The following LSM4 variants were observed in gnomAD, a reference collection of about 807,000 sequenced individuals.
LSM4 encodes U6 snRNA-associated Sm-like protein LSm4.
Under a neutral mutation model 22.3 loss-of-function variants are expected in LSM4, and 15 were observed. The observed-to-expected ratio is 0.67, with a 90% confidence interval of 0.45 to 1.03. The LOEUF (loss-of-function observed/expected upper bound fraction) is 1.03. LSM4 is among the 50% of genes least tolerant of loss of function. LSM4 has a pLI of 0.00. For missense variants in LSM4, 127 were observed against 198.0 expected (o/e 0.64, Z 2.15); for synonymous variants, 90 against 79.8 (o/e 1.13, Z -0.68).
At chr19:18,316,277 A>C in intron 1 of LSM4, 3 of 451,708 alleles carry the variant, frequency 6.6e-6, no homozygotes, top group Non-Finnish European at 1.2e-5. Flanking sequence ...AAAGCCTCAC[A>C]CACCCTCCCT....
chr19:18,320,149 A>G (rs1970409952), intron 1 of LSM4, among the ~76,000 whole-genome samples: 2 of 152,202 alleles, frequency 1.3e-5, no homozygotes. Flanking sequence ...CTCATCTCCA[A>G]ACTCTGTTGG....
At position 18,315,076 on chromosome 19, in the gene LSM4, G is replaced by A. The variant is rs529789329; in HGVS notation, c.45+948C>T. Among the ~76,000 whole-genome samples, 33 of 152,030 alleles carry A rather than the reference G, an allele frequency of 2.2e-4. No individual in the cohort carries two copies. In the South Asian group the frequency reaches 3.7e-3, roughly 17 times the overall value. On this transcript the variant is annotated intron_variant, in intron 2 of 4. Coordinates refer to ENST00000593829, the MANE Select transcript of LSM4 (RefSeq NM_012321.5). ...ATTTTTTTGTATTTTTAGTAGAGAC[G>A]GGGTTTCACCGTGTTAGCCAGGATG... is the stretch of plus-strand genomic sequence containing the variant.
Position 18,313,112 on chromosome 19 carries a change from G to A in LSM4, c.46-410C>T, listed in dbSNP as rs146580535. 8.7e-3 allele frequency among the ~76,000 whole-genome samples: 1,331 copies of A among 152,176 alleles called. 22 individuals carry two copies. The highest frequency in any genetic ancestry group is 0.029 in the African/African-American group (1,197 of 41,512). ...TGCATGCCTGTAGTCCCAGCTACTC[G>A]GGAGCCTGAGGCAGGAGAACTGTTT... is the stretch of plus-strand genomic sequence containing the variant. On this transcript the variant is annotated intron_variant, in intron 2 of 4. Transcript: ENST00000593829.
At position 18,323,064 on chromosome 19, in the gene LSM4, C is replaced by T; in HGVS notation, c.-44G>A. The T allele has an allele frequency of 4.7e-6, 7 of 1,490,718 alleles. No individual in the cohort carries two copies. Among genetic ancestry groups the T allele is most frequent in the Admixed American group, 2.4e-5 (1 of 42,164 alleles). The allele number at this position is 1,490,718 out of a possible 1,614,324, so 92.3% of individuals were successfully genotyped here. A position where few individuals can be genotyped will look rare whatever the true frequency, so the allele number is the denominator to read the frequency against. ...GCTCGCCGGCCACTTCCGCCGCCGCCGCTGCACACGCTCCCGGCGGTCGTC... is the reference window on the plus strand; with the variant it reads ...GCTCGCCGGCCACTTCCGCCGCCGCTGCTGCACACGCTCCCGGCGGTCGTC... On this transcript the variant is annotated 5_prime_UTR_variant, in exon 1 of 5. Transcript: ENST00000593829.
chr19:18,320,603 A>G (rs1052970765), intron 1 of LSM4, among the ~76,000 whole-genome samples: 4 of 152,094 alleles, frequency 2.6e-5, no homozygotes, highest in African/African-American at 9.7e-5. Flanking sequence ...GTTCAAGACT[A>G]GCCTGGCCAA....
At chr19:18,312,569 T>C in intron 3 of LSM4, 35 bp downstream of exon 3, 1 of 1,568,896 alleles carries the variant, frequency 6.4e-7, no homozygotes, top group South Asian at 1.1e-5. Context: ...GTGCACCCCC[T>C]GCATCCCACC....
At chr19:18,320,706 G>T (rs180874455) in intron 1 of LSM4, among the ~76,000 whole-genome samples, 2 of 152,234 alleles carry the variant, frequency 1.3e-5, no homozygotes, top group Non-Finnish European at 2.9e-5. Flanking sequence ...GGCTGAGGTA[G>T]GAGAATCACT....
rs573196453 is a variant in LSM4, at chr19:18,307,958, C to G, written c.329-403G>C. 2.2e-3 allele frequency among the ~76,000 whole-genome samples: 336 copies of G among 151,222 alleles called. 1 individual carries two copies. Among genetic ancestry groups the G allele is most frequent in the African/African-American group, 7.9e-3 (325 of 41,000 alleles). On this transcript the variant is annotated intron_variant, in intron 4 of 4. Coordinates refer to ENST00000593829, the MANE Select transcript of LSM4 (RefSeq NM_012321.5). ...TGGGGGCTCCCTGGCGGGGGGGGGG[C>G]CTCCTATGCGCCACAACCACCCACA...
rs1970223324 is a variant in LSM4, at chr19:18,306,462, G to T, written c.*1002C>A. The T allele has an allele frequency of 1.3e-5, 2 of 152,232 alleles. No homozygotes were observed. The highest frequency in any genetic ancestry group is 2.4e-5 in the African/African-American group (1 of 41,432). 9.4% of individuals were successfully genotyped at this position (152,232 alleles called of 1,614,324 possible). A position where few individuals can be genotyped will look rare whatever the true frequency, so the allele number is the denominator to read the frequency against. ...GCAAACCCGGCCTGGCTCAGAAAGG[G>T]GGCAGGAGCCTCGTGAGAATCTTCC... is the stretch of plus-strand genomic sequence containing the variant. On this transcript the variant is annotated 3_prime_UTR_variant, in exon 5 of 5. Transcript: ENST00000593829.
Position 18,307,237 on chromosome 19 carries a change from T to C in LSM4, c.*227A>G. 2.4e-6 allele frequency: 1 copy of C among 422,454 alleles called. No individual in the cohort carries two copies. The highest frequency in any genetic ancestry group is 4.2e-6 in the Non-Finnish European group (1 of 237,938). The allele number at this position is 422,454 out of a possible 1,614,324, so 26.2% of individuals were successfully genotyped here. On this transcript the variant is annotated 3_prime_UTR_variant, in exon 5 of 5. Transcript: ENST00000593829. ...ACTCTTCTAGGAATCCAGCCAGTTTTGGGACGGCCGTTTCACAAAACCAAA... is the reference window on the plus strand; with the variant it reads ...ACTCTTCTAGGAATCCAGCCAGTTTCGGGACGGCCGTTTCACAAAACCAAA...
In LSM4 at chr19:18,307,564, CAG is replaced by C. The variant is rs889300400; in HGVS notation, c.329-11_329-10del. 3.3e-6 allele frequency: 5 copies of C among 1,502,150 alleles called. No homozygotes were observed. The highest frequency in any genetic ancestry group is 1.7e-4 in the Middle Eastern group (1 of 5,826). 93.1% of individuals were successfully genotyped at this position (1,502,150 alleles called of 1,614,324 possible). ...CCGGCCACCAAACACACCTAGAGGA[CAG>C]AGAGAGGGCGCTGCAGCAGAGCCAG... On this transcript the variant is annotated splice_polypyrimidine_tract_variant and intron_variant, in intron 4 of 4. Coordinates refer to ENST00000593829, the MANE Select transcript of LSM4 (RefSeq NM_012321.5).
At chr19:18,317,519 T>C (rs1480295843) in intron 1 of LSM4, among the ~76,000 whole-genome samples, 1 of 151,830 alleles carries the variant, frequency 6.6e-6, no homozygotes, top group Non-Finnish European at 1.5e-5. Context: ...ATTTTTATTT[T>C]TGTATTTTTA....
chr19:18,313,472 T>C (rs575611877), intron 2 of LSM4, among the ~76,000 whole-genome samples: 1 of 152,344 alleles, frequency 6.6e-6, no homozygotes, highest in South Asian at 2.1e-4. Flanking sequence ...CAAAGATAAG[T>C]AGCAGATCAT....
intron 3 of LSM4, 85 bp downstream of exon 3, chr19:18,312,519 T>C: frequency 2.6e-6 from 3 of 1,174,466 alleles, no homozygotes; most frequent in Middle Eastern, 2.0e-4. Context: ...CCCCACTGAC[T>C]CCTCCCATGA....
chr19:18,311,652 T>C (rs1970299817), intron 3 of LSM4, among the ~76,000 whole-genome samples: 1 of 152,088 alleles, frequency 6.6e-6, no homozygotes, highest in South Asian at 2.1e-4. Flanking sequence ...ACAGCCAGAC[T>C]GGACCCACCC....
At chr19:18,317,822 C>T (rs76580597) in intron 1 of LSM4, among the ~76,000 whole-genome samples, 4,717 of 152,200 alleles carry the variant, frequency 0.031, 92 homozygotes, top group Non-Finnish European at 0.045. Flanking sequence ...TGCACCACCA[C>T]GCCTGGTTTC....
intron 3 of LSM4, chr19:18,310,294 C>T (rs1970284643): frequency 5.0e-6 from 1 of 201,828 alleles, no homozygotes; most frequent in Non-Finnish European, 9.9e-6. Context: ...CTCCTCCTGC[C>T]CCAGCCCCAC....
intron 1 of LSM4, among the ~76,000 whole-genome samples, chr19:18,320,536 C>T (rs1004562241): frequency 2.0e-5 from 3 of 152,024 alleles, no homozygotes; most frequent in Non-Finnish European, 4.4e-5. Flanking sequence ...CAGTGGCTCA[C>T]GCCTGTAATC....
intron 2 of LSM4, 52 bp downstream of exon 2, chr19:18,315,972 G>A: frequency 6.3e-7 from 1 of 1,583,958 alleles, no homozygotes; most frequent in Admixed American, 1.7e-5. Flanking sequence ...CCGCCCCTGT[G>A]CTGAGGCTGG....
Sources: gnomAD v4.1 joint callset for allele counts (sites outside exome capture counted in the v4.1 genomes callset) on GRCh38, gnomAD v4.1.1 for gene constraint, MANE v1.5 for transcripts, NCBI Gene and HGNC (gene_info 2026-07-23, HGNC 2026-07-21) for gene names.